The following XRCC4 variants were observed in gnomAD, a reference collection of about 807,000 sequenced individuals.
The protein encoded by XRCC4 is X-ray repair cross complementing 4.
Under a neutral mutation model 39.1 loss-of-function variants are expected in XRCC4, and 28 were observed. The observed-to-expected ratio is 0.72, with a 90% CI of 0.53 to 0.98. The LOEUF (loss-of-function observed/expected upper bound fraction) is 0.98. Ranked by LOEUF, XRCC4 falls within the 50% of genes least tolerant of loss-of-function variation. The pLI, the probability that XRCC4 is intolerant of heterozygous loss-of-function variation, is 0.00. For missense variants in XRCC4, 350 were observed against 376.4 expected, an observed-to-expected ratio of 0.93 and a Z score of 0.58; for synonymous variants, 123 against 126.4, an observed-to-expected ratio of 0.97 and a Z score of 0.18.
At chr5:83,243,346 C>A (rs1346033202) in intron 6 of XRCC4, among the ~76,000 whole-genome samples, 1 of 152,168 alleles carries the variant, frequency 6.6e-6, no homozygotes, top group Non-Finnish European at 1.5e-5. Flanking sequence ...TTTCTGGAGA[C>A]TGGAAGTGGA....
At chr5:83,231,647 A>T (rs1433494328) in intron 6 of XRCC4, among the ~76,000 whole-genome samples, 2 of 152,122 alleles carry the variant, frequency 1.3e-5, no homozygotes, top group African/African-American at 4.8e-5. Context: ...TAGCACTGTC[A>T]CATTGCTAAA....
intron 3 of XRCC4, among the ~76,000 whole-genome samples, chr5:83,142,408 G>T (rs866787242): frequency 5.3e-5 from 8 of 152,136 alleles, no homozygotes; most frequent in African/African-American, 4.8e-5. Context: ...AACACAGGTG[G>T]TGTGGCTTCA....
At chr5:83,099,842 G>A (rs1745845064) in intron 1 of XRCC4, among the ~76,000 whole-genome samples, 1 of 152,144 alleles carries the variant, frequency 6.6e-6, no homozygotes, top group Non-Finnish European at 1.5e-5. Flanking sequence ...GTTTCTTCAA[G>A]TAGTCTTGGG....
chr5:83,117,743 T>C (rs1452428692), intron 3 of XRCC4, among the ~76,000 whole-genome samples: 1 of 101,522 alleles, frequency 9.9e-6, no homozygotes, highest in Non-Finnish European at 2.7e-5. Context: ...AAAATTAATT[T>C]AATTTTATTT....
At position 83,124,766 on chromosome 5, in the gene XRCC4, AAC is replaced by A. The variant is rs1329728932; in HGVS notation, c.315+13565_315+13566del. Reference sequence around the variant, plus strand: ...TACAATGGCAAAGTTGAATAGTTGCAACAGAGTCCTCTATGGTGTGTAATGAC... The same window carrying A: ...TACAATGGCAAAGTTGAATAGTTGCAAGAGTCCTCTATGGTGTGTAATGAC... On this transcript the variant is annotated intron_variant, in intron 3 of 7. Coordinates refer to ENST00000396027, the MANE Select transcript of XRCC4 (RefSeq NM_003401.5). 9.8e-5 allele frequency among the ~76,000 whole-genome samples: 15 copies of A among 152,346 alleles called. No individual in the cohort carries two copies. In the East Asian group the frequency reaches 2.1e-3, roughly 22 times the overall value.
chr5:83,133,380 A>G lies in XRCC4; in HGVS notation c.315+22177A>G, dbSNP rs201768887. Among the ~76,000 whole-genome samples the G allele has an allele frequency of 8.5e-5, 13 of 152,268 alleles. No individual in the cohort carries two copies. The East Asian group carries it at 2.1e-3, about 25-fold the overall frequency. On this transcript the variant is annotated intron_variant, in intron 3 of 7. Transcript: ENST00000396027. ...CAGTCTGTCCATTCTCAGATCTCCA[A>G]GTCTGTGCTGGGAGAACCACTACTC...
chr5:83,125,853 C>A (rs1175252123), intron 3 of XRCC4, among the ~76,000 whole-genome samples: 1 of 152,060 alleles, frequency 6.6e-6, no homozygotes, highest in Non-Finnish European at 1.5e-5. Flanking sequence ...TGTGGTGGCG[C>A]ATTCCTGTAA....
intron 3 of XRCC4, among the ~76,000 whole-genome samples, chr5:83,113,623 CT>C (rs200720410): frequency 0.065 from 9,290 of 143,936 alleles, 821 homozygotes; most frequent in East Asian, 0.46. Context: ...ACATTTCTTT[CT>C]TTTTTTTTTT....
chr5:83,232,146 TATAAA>T (rs1417221881), intron 6 of XRCC4, among the ~76,000 whole-genome samples: 2 of 152,096 alleles, frequency 1.3e-5, no homozygotes, highest in African/African-American at 4.8e-5. Context: ...ATTGTGTCTC[TATAAA>T]ATATTTTCAG....
At chr5:83,132,843 G>A (rs10038402) in intron 3 of XRCC4, among the ~76,000 whole-genome samples, 73,653 of 151,846 alleles carry the variant, frequency 0.49, 18,846 homozygotes, top group African/African-American at 0.63. Context: ...CCTTTAGCTC[G>A]GAGAAGTTTG....
chr5:83,208,585 G>GC (rs1751509596), intron 6 of XRCC4, among the ~76,000 whole-genome samples: 1 of 151,804 alleles, frequency 6.6e-6, no homozygotes, highest in African/African-American at 2.4e-5. Flanking sequence ...TTTTCCCACT[G>GC]CCATTAGGAT....
At chr5:83,094,333 C>CTTCCCTCCCCTCCCCTCTCCTCCCA (rs1745571211) in intron 1 of XRCC4, among the ~76,000 whole-genome samples, 1 of 133,406 alleles carries the variant, frequency 7.5e-6, no homozygotes, top group Admixed American at 7.5e-5. Flanking sequence ...CTCTCCTCCC[C>CTTCCCTCCCCTCCCCTCTCCTCCCA]TTCCCTCCGC....
At chr5:83,150,620 T>C (rs1748658580) in intron 3 of XRCC4, among the ~76,000 whole-genome samples, 1 of 152,138 alleles carries the variant, frequency 6.6e-6, no homozygotes, top group African/African-American at 2.4e-5. Flanking sequence ...ACAACATAAA[T>C]ATACACACAT....
chr5:83,194,705 G>T (rs1390773859), intron 3 of XRCC4, among the ~76,000 whole-genome samples: 4 of 152,208 alleles, frequency 2.6e-5, no homozygotes, highest in Non-Finnish European at 4.4e-5. Context: ...TACGGACTCA[G>T]TGCTACCAGC....
intron 3 of XRCC4, among the ~76,000 whole-genome samples, chr5:83,178,043 A>T (rs879764407): frequency 1.3e-4 from 20 of 152,090 alleles, no homozygotes; most frequent in Non-Finnish European, 2.6e-4. Context: ...GAGCTATTTC[A>T]GATATAGAAT....
At chr5:83,279,586 T>C (rs1243149603) in intron 7 of XRCC4, among the ~76,000 whole-genome samples, 2 of 152,222 alleles carry the variant, frequency 1.3e-5, no homozygotes, top group East Asian at 3.8e-4. Context: ...AAATGTGATA[T>C]GGTTGCTGTA....
chr5:83,218,173 C>T (rs1751941633), intron 6 of XRCC4, among the ~76,000 whole-genome samples: 1 of 150,560 alleles, frequency 6.6e-6, no homozygotes, highest in African/African-American at 2.4e-5. Context: ...CACCCATTAA[C>T]TCATCATTTA....
chr5:83,244,858 T>C (rs1015347151), intron 6 of XRCC4, among the ~76,000 whole-genome samples: 23 of 152,326 alleles, frequency 1.5e-4, no homozygotes, highest in African/African-American at 4.8e-4. Context: ...AATTTCTTCT[T>C]GAGAAATTGA....
chr5:83,228,308 T>A (rs1309546932), intron 6 of XRCC4, among the ~76,000 whole-genome samples: 1 of 152,030 alleles, frequency 6.6e-6, no homozygotes, highest in East Asian at 1.9e-4. Flanking sequence ...CAAATCGAAT[T>A]TTCACATTGT....
Sources: allele counts gnomAD v4.1 joint callset (sites outside exome capture counted in the v4.1 genomes callset), GRCh38; gene constraint gnomAD v4.1.1; transcripts MANE v1.5; gene names NCBI Gene and HGNC (gene_info 2026-07-23, HGNC 2026-07-21).